Variants in ZMYND19 observed in about 807,000 individuals in gnomAD.
ZMYND19 encodes the protein zinc finger MYND-type containing 19.
Under a neutral mutation model 32.0 loss-of-function variants are expected in ZMYND19, and 17 were observed. The observed-to-expected ratio is 0.53, with a 90% CI of 0.36 to 0.80. The LOEUF (loss-of-function observed/expected upper bound fraction) is 0.80. Ranked by LOEUF, ZMYND19 falls within the 30% of genes least tolerant of loss-of-function variation. The pLI is 0.00. For missense variants in ZMYND19, 250 were observed against 293.6 expected, an observed-to-expected ratio of 0.85 and a Z score of 1.09; for synonymous variants, 124 against 113.6, an observed-to-expected ratio of 1.09 and a Z score of -0.58.
rs915415897 is a variant in ZMYND19 at position 137,586,903 on chromosome 9, C to T, written c.359+64G>A. 30 of 1,600,660 alleles carry T rather than the reference C, an allele frequency of 1.9e-5. No individual in the cohort carries two copies. In the East Asian group the frequency reaches 6.7e-4, roughly 36 times the overall value. Reference sequence around the variant, plus strand: ...CAGGAGACCCTCTTGGAAACAAGAGCTTTGGCGGTGGCCCTCCTCAAAAGG... The same window carrying T: ...CAGGAGACCCTCTTGGAAACAAGAGTTTTGGCGGTGGCCCTCCTCAAAAGG... On this transcript the variant is annotated intron_variant, in intron 4 of 5. Coordinates refer to ENST00000298585, the MANE Select transcript of ZMYND19 (RefSeq NM_138462.3).
At chr9:137,583,360 G>A (rs1891628) in intron 4 of ZMYND19, among the ~76,000 whole-genome samples, 197 bp from the exon 5 acceptor site, 33,922 of 151,968 alleles carry the variant, frequency 0.22, 4,010 homozygotes, top group Admixed American at 0.34. Context: ...CCACTAACCC[G>A]TAAGCATGGC....
At chr9:137,583,857 C>T (rs1188869601) in intron 4 of ZMYND19, among the ~76,000 whole-genome samples, 1 of 152,268 alleles carries the variant, frequency 6.6e-6, no homozygotes, top group African/African-American at 2.4e-5. Context: ...AACAGGAAAA[C>T]ACCCCTTTGC....
chr9:137,586,953 C>T lies in ZMYND19; in HGVS notation c.359+14G>A, dbSNP rs1354648056. The T allele has an allele frequency of 1.9e-6, 3 of 1,611,570 alleles. No homozygotes were observed. The South Asian group carries it at 3.3e-5, about 18-fold the overall frequency. On this transcript the variant is annotated intron_variant, in intron 4 of 5. Transcript: ENST00000298585. ...GCGCCTCTGCTGGCATCGCCAGGCC[C>T]TGAGAAGACCCACCTCTGCTTGCTG...
rs1476192084 is a variant in ZMYND19, at chr9:137,590,278, T to C, written c.-15A>G. The C allele has an allele frequency of 3.7e-6, 4 of 1,075,696 alleles. No homozygotes were observed. The highest frequency in any genetic ancestry group is 7.1e-5 in the East Asian group (1 of 14,022). The allele number at this position is 1,075,696 out of a possible 1,614,324, so 66.6% of individuals were successfully genotyped here. A position where few individuals can be genotyped will look rare whatever the true frequency, so the allele number is the denominator to read the frequency against. ...AAGTCGGTCATGGCCGGGCCTGCGC[T>C]CTCGGCCGGCAGCGCCGCTCCCTCG... On this transcript the variant is annotated 5_prime_UTR_variant, in exon 1 of 6. Transcript: ENST00000298585. This position sits in a 1 kb window ranked among gnomAD's most constrained non-coding sequence, Gnocchi z 4.2.
At chr9:137,584,401 C>G (rs1381197524) in intron 4 of ZMYND19, among the ~76,000 whole-genome samples, 1 of 152,266 alleles carries the variant, frequency 6.6e-6, no homozygotes, top group Non-Finnish European at 1.5e-5. Flanking sequence ...CACCCCCTTT[C>G]CAAACGGCTG....
Position 137,585,967 on chromosome 9 carries a change from G to A in ZMYND19, c.359+1000C>T, listed in dbSNP as rs562640270. 6.6e-5 allele frequency among the ~76,000 whole-genome samples: 10 copies of A among 152,372 alleles called. No homozygotes were observed. The East Asian group carries it at 1.5e-3, about 24-fold the overall frequency. On this transcript the variant is annotated intron_variant, in intron 4 of 5. Coordinates refer to ENST00000298585, the MANE Select transcript of ZMYND19 (RefSeq NM_138462.3). ...CGCCAGGGGAACATGTCAGTGAAGC[G>A]TGTGTGGCTGGGGACTCCCTGGCTC...
At chr9:137,586,430 CAGAGAAGGAAGGAATCCCGAGGTGAGG>C (rs1842205080) in intron 4 of ZMYND19, among the ~76,000 whole-genome samples, 1 of 133,076 alleles carries the variant, frequency 7.5e-6, no homozygotes, top group Non-Finnish European at 1.6e-5. Context: ...CTGACGTGAG[CAGAGAAGGAAGGAATCCCGAGGTGAGG>C]AGAGAAGGAA....
At position 137,583,011 on chromosome 9, in the gene ZMYND19, T is replaced by C; in HGVS notation, c.512A>G (p.Tyr171Cys). 1 of 1,614,134 alleles carries C rather than the reference T, an allele frequency of 6.2e-7. No individual in the cohort carries two copies. Among genetic ancestry groups the C allele is most frequent in the Non-Finnish European group, 8.5e-7 (1 of 1,180,014 alleles). Reference sequence around the variant, plus strand: ...CTTCTCAATCACTGTGCAGGGAGGGTAGTGGCACTCATAGTAGGTGCAAGA... The same window carrying C: ...CTTCTCAATCACTGTGCAGGGAGGGCAGTGGCACTCATAGTAGGTGCAAGA... ...ENSCTYYECH[Y>C]PPCTVIEKQL... The change falls in exon 5 of 6, where the codon TAC (tyrosine) becomes TGC (cysteine). Residue 171 changes from tyrosine (Y) to cysteine (C), a missense_variant. Physicochemically the swap from Tyr to Cys is radical, Grantham distance 194. Transcript: ENST00000298585.
chr9:137,586,902 G>A, intron 4 of ZMYND19, 65 bp downstream of exon 4: 9 of 1,599,628 alleles, frequency 5.6e-6, no homozygotes, highest in Admixed American at 1.7e-5. Flanking sequence ...GGAAACAAGA[G>A]CTTTGGCGGT....
At chr9:137,589,308 A>G (rs1317455346) in intron 1 of ZMYND19, 3 of 982,062 alleles carry the variant, frequency 3.1e-6, no homozygotes, top group African/African-American at 1.7e-5. Flanking sequence ...GGCCCTGCCT[A>G]TGCTCTTGCA....
At position 137,583,085 on chromosome 9, in the gene ZMYND19, C is replaced by T. The variant is rs200498912; in HGVS notation, c.438G>A (p.Val146=). 1 of 1,614,172 alleles carries T rather than the reference C, an allele frequency of 6.2e-7. No homozygotes were observed. The highest frequency in any genetic ancestry group is 1.3e-5 in the African/African-American group (1 of 75,060). ...CCCCGTTGGCATTATAATACCGGGTCACATTTAGGACAGGAAACTGTTCTT... is the reference window on the plus strand; with the variant it reads ...CCCCGTTGGCATTATAATACCGGGTTACATTTAGGACAGGAAACTGTTCTT... ...PIEEQFPVLN[V]TRYYNANGDV... Residue 146 remains valine (V), a synonymous_variant, in exon 5 of 6, where the codon GTG becomes GTA. Coordinates refer to ENST00000298585, the MANE Select transcript of ZMYND19 (RefSeq NM_138462.3).
At chr9:137,583,762 G>A (rs748192919) in intron 4 of ZMYND19, among the ~76,000 whole-genome samples, 15 of 152,244 alleles carry the variant, frequency 9.9e-5, no homozygotes, top group Non-Finnish European at 1.8e-4. Flanking sequence ...TGGTTAAAAC[G>A]GGGAAGGATC....
At chr9:137,588,550 A>T (rs1842232908) in intron 2 of ZMYND19, 109 bp downstream of exon 2, 1 of 1,281,660 alleles carries the variant, frequency 7.8e-7, no homozygotes, top group Admixed American at 1.8e-5. Flanking sequence ...CCAGTTGTCC[A>T]CTTGTGGGGC....
chr9:137,588,786 C>T, intron 1 of ZMYND19, 68 bp from the exon 2 acceptor site: 2 of 1,577,894 alleles, frequency 1.3e-6, no homozygotes, highest in Non-Finnish European at 1.7e-6. Flanking sequence ...AACCTTATAA[C>T]CAGAACAGGC....
In ZMYND19 at chr9:137,587,084, G is replaced by T; in HGVS notation, c.242C>A (p.Ala81Asp). ...LLWERHRGGV[A>D]PGFQVVHLNA... ...GAGGTGCACCACCTGGAAGCCCGGG[G>T]CCACGCCCCCCCGGTGCCGCTCCCT... The change falls in exon 4 of 6, where the codon GCC becomes GAC. Residue 81 changes from alanine to aspartate, a missense_variant. Physicochemically the swap from Ala to Asp is moderately radical, Grantham distance 126. Transcript: ENST00000298585. The T allele has an allele frequency of 6.2e-7, 1 of 1,607,966 alleles. No homozygotes were observed.
intron 1 of ZMYND19, chr9:137,589,580 G>C: frequency 7.1e-6 from 7 of 985,444 alleles, no homozygotes; most frequent in Non-Finnish European, 7.2e-6. Context: ...AGCCTCAAAC[G>C]TGGAGCGTGG....
intron 3 of ZMYND19, 119 bp downstream of exon 3, chr9:137,587,598 G>C (rs961393115): frequency 2.8e-5 from 23 of 836,218 alleles, no homozygotes; most frequent in Non-Finnish European, 4.6e-5. Flanking sequence ...AAATAACTGC[G>C]AGATTCAGGG....
In ZMYND19 at chr9:137,586,972, C is replaced by T. The variant is rs377314470; in HGVS notation, c.354G>A (p.Lys118=). ...WRPKAEETSS[K]QREQSLYWLA... ...CAGGCCCTGAGAAGACCCACCTCTG[C>T]TTGCTGGAGGTCTCTTCAGCCTTGG... The change falls in exon 4 of 6, where the codon AAG becomes AAA. Residue 118 remains lysine, a synonymous_variant. Coordinates refer to ENST00000298585, the MANE Select transcript of ZMYND19 (RefSeq NM_138462.3). The T allele has an allele frequency of 1.2e-6, 2 of 1,612,196 alleles. No homozygotes were observed. Among genetic ancestry groups the T allele is most frequent in the Non-Finnish European group, 1.7e-6 (2 of 1,180,002 alleles).
intron 2 of ZMYND19, among the ~76,000 whole-genome samples, chr9:137,588,242 G>C (rs530470876): frequency 6.6e-6 from 1 of 152,238 alleles, no homozygotes; most frequent in Non-Finnish European, 1.5e-5. Context: ...GACCCCATGA[G>C]AGCAGAGAAC....
Sources: gnomAD v4.1 joint callset for allele counts (sites outside exome capture counted in the v4.1 genomes callset) on GRCh38, gnomAD v4.1.1 for gene constraint, Gnocchi (gnomAD v3.1) non-coding constraint, MANE v1.5 for transcripts, NCBI Gene and HGNC (gene_info 2026-07-23, HGNC 2026-07-21) for gene names.